MED12L: variants seen among roughly 807,000 people sequenced by gnomAD.
MED12L encodes the protein mediator complex subunit 12L.
A neutral mutation model predicts 281.3 loss-of-function variants in MED12L; 60 were observed. That is an observed-to-expected ratio of 0.21 (90% CI 0.17 to 0.26). The LOEUF (loss-of-function observed/expected upper bound fraction) is 0.26. MED12L is among the 10% of genes least tolerant of loss of function. MED12L has a pLI of 1.00. For missense variants in MED12L, 2,146 were observed against 2,680.9 expected (o/e 0.80, Z 4.41); for synonymous variants, 974 against 987.2 (o/e 0.99, Z 0.25).
chr3:151,347,803 C>A (rs1752712560), intron 16 of MED12L, among the ~76,000 whole-genome samples: 1 of 152,150 alleles, frequency 6.6e-6, no homozygotes, highest in South Asian at 2.1e-4. Context: ...AAAAACCTTA[C>A]AAGGAAGCGA....
At chr3:151,268,125 C>T (rs569259343) in intron 16 of MED12L, among the ~76,000 whole-genome samples, 6 of 152,126 alleles carry the variant, frequency 3.9e-5, no homozygotes, top group Admixed American at 3.9e-4. Context: ...ATGTTTTCAG[C>T]TTACATGTTT....
rs75417449 is a variant in MED12L, at chr3:151,095,816, G to A, written c.99+8791G>A. On this transcript the variant is annotated intron_variant, in intron 2 of 44. Coordinates refer to ENST00000687756, the MANE Select transcript of MED12L (RefSeq NM_001393769.1). ...AGCTACTCTGGGGACTGAGGTGGGA[G>A]AATCACTTGAGCCTAGGAGTTCAAT... 5.9e-3 allele frequency among the ~76,000 whole-genome samples: 897 copies of A among 152,206 alleles called. 17 individuals are homozygous for A. Among genetic ancestry groups the A allele is most frequent in the South Asian group, 0.055 (267 of 4,822 alleles).
At chr3:151,173,256 G>C (rs970552755) in intron 11 of MED12L, among the ~76,000 whole-genome samples, 1 of 152,146 alleles carries the variant, frequency 6.6e-6, no homozygotes, top group Non-Finnish European at 1.5e-5. Context: ...GAGAGGATGA[G>C]AAATTGTTGA....
intron 16 of MED12L, among the ~76,000 whole-genome samples, chr3:151,225,097 C>A (rs373576030): frequency 6.6e-6 from 1 of 152,298 alleles, no homozygotes; most frequent in East Asian, 1.9e-4. Context: ...TTTCACCCTG[C>A]CTATTGGGCT....
In MED12L at chr3:151,435,679, A is replaced by G. The variant is rs1720079316; in HGVS notation, c.*2875A>G. The stretch of plus-strand genomic sequence containing the variant: ...GATGCTGGAGAAATTACACTGGAAA[A>G]CCCCACCCCTAGATTTAGATAAGAT... On this transcript the variant is annotated 3_prime_UTR_variant, in exon 45 of 45. Coordinates refer to ENST00000687756, the MANE Select transcript of MED12L (RefSeq NM_001393769.1). 6.6e-6 allele frequency: 1 copy of G among 151,918 alleles called. No homozygotes were observed. The allele number at this position is 151,918 out of a possible 1,614,324, so 9.4% of individuals were successfully genotyped here.
At chr3:151,419,404 T>A (rs941215293) in intron 43 of MED12L, among the ~76,000 whole-genome samples, 1 of 152,184 alleles carries the variant, frequency 6.6e-6, no homozygotes, top group South Asian at 2.1e-4. Context: ...GGGAGAAAGA[T>A]GTAGGCTGGG....
At chr3:151,314,387 G>T (rs1374469036) in intron 16 of MED12L, among the ~76,000 whole-genome samples, 1 of 152,152 alleles carries the variant, frequency 6.6e-6, no homozygotes, top group African/African-American at 2.4e-5. Flanking sequence ...TTCACCATTG[G>T]CCTGAAGCAG....
chr3:151,360,291 A>C (rs1222202414), intron 20 of MED12L, among the ~76,000 whole-genome samples, 183 bp from the exon 21 acceptor site: 2 of 152,060 alleles, frequency 1.3e-5, no homozygotes, highest in Non-Finnish European at 2.9e-5. Context: ...TTTAAAATCT[A>C]TTTCAGTGTC....
At chr3:151,407,810 T>C (rs967682249) in intron 39 of MED12L, among the ~76,000 whole-genome samples, 3 of 152,330 alleles carry the variant, frequency 2.0e-5, no homozygotes, top group South Asian at 4.1e-4. Context: ...GTTTCATTCA[T>C]GTGTAGATAG....
chr3:151,354,974 A>G (rs1753730735), intron 17 of MED12L, 147 bp from the exon 18 acceptor site: 7 of 652,560 alleles, frequency 1.1e-5, no homozygotes, highest in Middle Eastern at 2.5e-4. Flanking sequence ...TTTGCATTCA[A>G]GTCTTATTGT....
chr3:151,432,708 A>C (rs760283219), intron 44 of MED12L, 44 bp from the exon 45 acceptor site: 3 of 1,473,102 alleles, frequency 2.0e-6, no homozygotes, highest in Non-Finnish European at 1.9e-6. Context: ...TCTGTGCAAT[A>C]GTTTTGTGTC....
At chr3:151,402,835 A>G (rs1316092968) in intron 39 of MED12L, among the ~76,000 whole-genome samples, 1 of 152,150 alleles carries the variant, frequency 6.6e-6, no homozygotes, top group Non-Finnish European at 1.5e-5. Flanking sequence ...GTTTTAAATG[A>G]AATAGTTCAT....
At chr3:151,275,180 T>TA (rs1462934870) in intron 16 of MED12L, among the ~76,000 whole-genome samples, 2 of 152,168 alleles carry the variant, frequency 1.3e-5, no homozygotes, top group African/African-American at 4.8e-5. Flanking sequence ...ATTGCGTGTG[T>TA]ATGATCCTGG....
At chr3:151,273,018 C>T (rs1473463425) in intron 16 of MED12L, among the ~76,000 whole-genome samples, 1 of 152,078 alleles carries the variant, frequency 6.6e-6, no homozygotes, top group Non-Finnish European at 1.5e-5. Context: ...TGGAGCATTT[C>T]AGATTAGGGA....
At chr3:151,199,222 A>G in intron 16 of MED12L, 2 of 1,614,152 alleles carry the variant, frequency 1.2e-6, no homozygotes, top group Non-Finnish European at 1.7e-6. Context: ...CTGTAAGCAA[A>G]TTAATTAAGT....
intron 16 of MED12L, chr3:151,338,383 G>T (rs1044568742): frequency 6.2e-7 from 1 of 1,614,110 alleles, no homozygotes; most frequent in Admixed American, 1.7e-5. Flanking sequence ...GGCAAAGAGA[G>T]TAAGAACATG....
chr3:151,333,341 A>C (rs1335349695), intron 16 of MED12L, among the ~76,000 whole-genome samples: 1 of 152,184 alleles, frequency 6.6e-6, no homozygotes, highest in African/African-American at 2.4e-5. Context: ...ACAGTGGCTG[A>C]ACTAATTTAC....
intron 2 of MED12L, among the ~76,000 whole-genome samples, chr3:151,110,204 CTCTT>C (rs1323610506): frequency 1.3e-5 from 2 of 152,192 alleles, no homozygotes; most frequent in Admixed American, 6.5e-5. Context: ...TTGGACTCTC[CTCTT>C]TCTATTTTTG....
chr3:151,165,338 C>G, intron 9 of MED12L, 82 bp from the exon 10 acceptor site: 1 of 1,057,308 alleles, frequency 9.5e-7, no homozygotes, highest in South Asian at 1.3e-5. Flanking sequence ...GGATACTTTA[C>G]TCACGTGGAA....
Sources: gnomAD v4.1 joint callset for allele counts (sites outside exome capture counted in the v4.1 genomes callset) on GRCh38, gnomAD v4.1.1 for gene constraint, MANE v1.5 for transcripts, NCBI Gene and HGNC (gene_info 2026-07-23, HGNC 2026-07-21) for gene names.